Variants in SMAD9 observed in about 807,000 individuals in gnomAD.
The protein encoded by SMAD9 is SMAD family member 9, also known as MAD homolog 9.
SMAD9 carries 36 observed loss-of-function variants against 46.1 expected under a neutral mutation model. That is an observed-to-expected ratio of 0.78 (90% CI 0.60 to 1.03). SMAD9 has a LOEUF of 1.03. SMAD9 is among the 50% of genes least tolerant of loss of function. SMAD9 has a pLI of 0.00. For missense variants in SMAD9, 572 were observed against 599.8 expected, an observed-to-expected ratio of 0.95 and a Z score of 0.48; for synonymous variants, 245 against 237.1, an observed-to-expected ratio of 1.03 and a Z score of -0.31.
At chr13:36,917,587 TACAG>T (rs143018055) in intron 1 of SMAD9, among the ~76,000 whole-genome samples, 31,807 of 151,986 alleles carry the variant, frequency 0.21, 3,378 homozygotes, top group East Asian at 0.31. Flanking sequence ...CAAAACAATA[TACAG>T]AAAGTCTGCA....
chr13:36,878,200 G>T (rs1176210261), intron 2 of SMAD9, among the ~76,000 whole-genome samples: 2 of 152,088 alleles, frequency 1.3e-5, no homozygotes, highest in African/African-American at 4.8e-5. Context: ...ACACAGGGGT[G>T]TGAAGGGTTT....
At chr13:36,890,125 C>T (rs1276604980) in intron 1 of SMAD9, among the ~76,000 whole-genome samples, 1 of 152,228 alleles carries the variant, frequency 6.6e-6, no homozygotes, top group Admixed American at 6.5e-5. Context: ...CTTCGAAAGG[C>T]ATATCTAATT....
At chr13:36,893,802 G>A (rs2058507460) in intron 1 of SMAD9, among the ~76,000 whole-genome samples, 1 of 151,962 alleles carries the variant, frequency 6.6e-6, no homozygotes. Context: ...AGAAATTAAT[G>A]CTTCTGAGCA....
chr13:36,881,978 G>T (rs575310159), intron 1 of SMAD9, among the ~76,000 whole-genome samples: 2 of 152,172 alleles, frequency 1.3e-5, no homozygotes, highest in Non-Finnish European at 1.5e-5. Context: ...AACACTCAGC[G>T]AGTTAAACCA....
intron 1 of SMAD9, among the ~76,000 whole-genome samples, chr13:36,905,780 A>G (rs1424258740): frequency 4.7e-5 from 1 of 21,490 alleles, no homozygotes; most frequent in Non-Finnish European, 8.5e-5. Flanking sequence ...GTCTCAAAAA[A>G]AAAAAAAAAA....
chr13:36,870,469 C>T (rs1427201795), intron 3 of SMAD9, among the ~76,000 whole-genome samples: 3 of 152,096 alleles, frequency 2.0e-5, no homozygotes, highest in Admixed American at 6.6e-5. Context: ...TCCTGTTGGA[C>T]CTCCCTCCCC....
At chr13:36,909,202 A>G (rs185936755) in intron 1 of SMAD9, among the ~76,000 whole-genome samples, 14 of 152,310 alleles carry the variant, frequency 9.2e-5, no homozygotes, top group Admixed American at 3.3e-4. Context: ...AGACAGAACC[A>G]CTATTCCATT....
chr13:36,899,315 CAAT>C (rs559585600), intron 1 of SMAD9, among the ~76,000 whole-genome samples: 158 of 152,244 alleles, frequency 1.0e-3, no homozygotes, highest in African/African-American at 3.6e-3. Flanking sequence ...TGTGCAAAAT[CAAT>C]AATGTTAGGA....
intron 5 of SMAD9, among the ~76,000 whole-genome samples, chr13:36,855,034 C>G (rs2058109796): frequency 6.6e-6 from 1 of 151,990 alleles, no homozygotes; most frequent in Admixed American, 6.6e-5. Context: ...AATCCCAGCA[C>G]TTTAGGAGGT....
intron 1 of SMAD9, among the ~76,000 whole-genome samples, chr13:36,912,970 A>G (rs1271661082): frequency 6.6e-6 from 1 of 152,220 alleles, no homozygotes; most frequent in Non-Finnish European, 1.5e-5. Flanking sequence ...CTCGTATAAA[A>G]TGGTATATTT....
At chr13:36,894,512 TACA>T (rs937918322) in intron 1 of SMAD9, among the ~76,000 whole-genome samples, 14 of 152,146 alleles carry the variant, frequency 9.2e-5, no homozygotes, top group Non-Finnish European at 1.0e-4. Context: ...AACAGACTAA[TACA>T]ACAACTCATA....
At position 36,872,821 on chromosome 13, in the gene SMAD9, T is replaced by C. The variant is rs573969977; in HGVS notation, c.507A>G (p.Pro169=). ...KFRSASLHSE[P]LMPHNATYPD... is the part of the protein sequence containing the mutation. ...GATAGGTGGCGTTGTGTGGCATGAGTGGCTCACTGTGCAGGGAGGCGCTGC... is the reference window on the plus strand; with the variant it reads ...GATAGGTGGCGTTGTGTGGCATGAGCGGCTCACTGTGCAGGGAGGCGCTGC... The change falls in exon 3 of 7, where the codon CCA becomes CCG. Residue 169 remains proline, a synonymous_variant. Coordinates refer to ENST00000379826, the MANE Select transcript of SMAD9 (RefSeq NM_001127217.3). 1.2e-6 allele frequency: 2 copies of C among 1,613,886 alleles called. No homozygotes were observed. Among genetic ancestry groups the C allele is most frequent in the South Asian group, 2.2e-5 (2 of 91,050 alleles).
chr13:36,879,963 T>C (rs1566026977), intron 1 of SMAD9, 88 bp from the exon 2 acceptor site: 1 of 482,940 alleles, frequency 2.1e-6, no homozygotes, highest in South Asian at 2.2e-5. Flanking sequence ...AATCTACACC[T>C]ACAGTCCCAG....
At chr13:36,888,786 A>G (rs1053685438) in intron 1 of SMAD9, among the ~76,000 whole-genome samples, 1 of 152,194 alleles carries the variant, frequency 6.6e-6, no homozygotes, top group African/African-American at 2.4e-5. Flanking sequence ...ATGGGAATAC[A>G]GAGTGTTTGT....
In SMAD9 at chr13:36,848,636, T is replaced by C; in HGVS notation, c.*40A>G. ...AAATGATACAAGCCACTCCCTGCAA[T>C]AGCCTCTATCCTATGGAAATGCAGC... On this transcript the variant is annotated 3_prime_UTR_variant, in exon 7 of 7. Transcript: ENST00000379826. 10 of 1,603,220 alleles carry C rather than the reference T, an allele frequency of 6.2e-6. No individual in the cohort carries two copies. The highest frequency in any genetic ancestry group is 1.1e-5 in the South Asian group (1 of 90,824).
chr13:36,920,820 G>A (rs757849626), upstream of SMAD9: 2 of 152,272 alleles, frequency 1.3e-5, no homozygotes, highest in Non-Finnish European at 2.9e-5. Context: ...GGAGTAAGGG[G>A]ATCCTGTCCC....
chr13:36,869,486 T>TGCTG (rs1292889918), intron 3 of SMAD9, among the ~76,000 whole-genome samples: 1 of 152,016 alleles, frequency 6.6e-6, no homozygotes, highest in African/African-American at 2.4e-5. Context: ...CCTCCCAAAG[T>TGCTG]GCTGGGATTA....
At chr13:36,875,448 T>C (rs1490230229) in intron 2 of SMAD9, among the ~76,000 whole-genome samples, 1 of 152,228 alleles carries the variant, frequency 6.6e-6, no homozygotes, top group African/African-American at 2.4e-5. Flanking sequence ...TTTTCTAAGC[T>C]ATTGTATACG....
Position 36,853,526 on chromosome 13 carries a change from A to G in SMAD9, c.1153T>C (p.Phe385Leu), listed in dbSNP as rs775742878. The G allele has an allele frequency of 1.2e-6, 2 of 1,614,134 alleles. No individual in the cohort carries two copies. The highest frequency in any genetic ancestry group is 1.7e-6 in the Non-Finnish European group (2 of 1,180,034). Reference protein sequence around the residue: ...KIPSGCSLKVFNNQLFAQLLA... With the variant: ...KIPSGCSLKVLNNQLFAQLLA... ...AGCTGAGCGAAGAGCTGGTTGTTGA[A>G]GACCTTGAGGCTGCAGCCGCTGGGG... Residue 385 changes from phenylalanine to leucine, a missense_variant, in exon 6 of 7, where the codon TTC (phenylalanine) becomes CTC (leucine). Transcript: ENST00000379826.
Sources: gnomAD v4.1 joint callset for allele counts (sites outside exome capture counted in the v4.1 genomes callset) on GRCh38, gnomAD v4.1.1 for gene constraint, MANE v1.5 for transcripts, NCBI Gene and HGNC (gene_info 2026-07-23, HGNC 2026-07-21) for gene names.